BNC2: variants seen among roughly 807,000 people sequenced by gnomAD.
BNC2 encodes zinc finger protein basonuclin-2.
In BNC2, 20 loss-of-function variants were observed where a neutral mutation model predicts 76.3. That is an observed-to-expected ratio of 0.26 (90% CI 0.18 to 0.38). BNC2 has a LOEUF of 0.38. BNC2 is among the 10% of genes least tolerant of loss of function. The probability of loss-of-function intolerance (pLI) is 1.00; values close to 1 mark genes in which losing one functional copy is unlikely to be tolerated. For missense variants in BNC2, 1,382 were observed against 1,399.8 expected, an observed-to-expected ratio of 0.99 and a Z score of 0.20; for synonymous variants, 582 against 514.8, an observed-to-expected ratio of 1.13 and a Z score of -1.77.
chr9:16,849,806 A>C, intron 1 of BNC2, among the ~76,000 whole-genome samples: 1 of 152,200 alleles, frequency 6.6e-6, no homozygotes, highest in African/African-American at 2.4e-5. Flanking sequence ...GTATTACCTC[A>C]AACCATAACT....
intron 1 of BNC2, among the ~76,000 whole-genome samples, chr9:16,855,713 ATT>A (rs796972202): frequency 4.4e-5 from 6 of 136,308 alleles, no homozygotes; most frequent in Admixed American, 1.5e-4. Flanking sequence ...GATTTCTTGT[ATT>A]TTTTTTTTTT....
chr9:16,556,092 G>C (rs1406637738), intron 4 of BNC2, among the ~76,000 whole-genome samples: 3 of 152,042 alleles, frequency 2.0e-5, no homozygotes, highest in Admixed American at 2.0e-4. Context: ...TTGAGCCCAA[G>C]AGTTTGAGAT....
chr9:16,494,831 G>T (rs951360413), intron 5 of BNC2, among the ~76,000 whole-genome samples: 2 of 152,114 alleles, frequency 1.3e-5, no homozygotes, highest in Non-Finnish European at 1.5e-5. Context: ...GGCCTGTTGT[G>T]GGGTGGAGGG....
chr9:16,431,043 G>C (rs1178146480), intron 6 of BNC2, among the ~76,000 whole-genome samples: 1 of 152,086 alleles, frequency 6.6e-6, no homozygotes, highest in East Asian at 1.9e-4. Flanking sequence ...ACAACTACTG[G>C]CCACTACTCT....
At chr9:16,508,273 T>C (rs1822675526) in intron 5 of BNC2, among the ~76,000 whole-genome samples, 1 of 152,252 alleles carries the variant, frequency 6.6e-6, no homozygotes, top group Non-Finnish European at 1.5e-5. Flanking sequence ...CATCTTGGAC[T>C]TGATCATCGC....
chr9:16,791,634 C>A (rs1404811693), intron 1 of BNC2, among the ~76,000 whole-genome samples: 1 of 152,140 alleles, frequency 6.6e-6, no homozygotes, highest in Admixed American at 6.5e-5. Flanking sequence ...TCACAGTCAA[C>A]TATAACAGAT....
At chr9:16,668,150 T>A (rs1822356858) in intron 3 of BNC2, among the ~76,000 whole-genome samples, 1 of 152,166 alleles carries the variant, frequency 6.6e-6, no homozygotes, top group Non-Finnish European at 1.5e-5. Flanking sequence ...ACCTTGTTTT[T>A]CTTCTAAAGG....
intron 1 of BNC2, among the ~76,000 whole-genome samples, chr9:16,746,180 C>G (rs1180834602): frequency 6.6e-6 from 1 of 152,096 alleles, no homozygotes; most frequent in Non-Finnish European, 1.5e-5. Flanking sequence ...AGCAGTCACC[C>G]AGGAGGTTGA....
chr9:16,627,657 T>C (rs2133682689), intron 3 of BNC2, among the ~76,000 whole-genome samples: 1 of 152,302 alleles, frequency 6.6e-6, no homozygotes, highest in South Asian at 2.1e-4. Context: ...CCATTTATTG[T>C]TCTCCTCACA....
At chr9:16,703,713 T>C (rs1246943060) in intron 3 of BNC2, among the ~76,000 whole-genome samples, 3 of 152,282 alleles carry the variant, frequency 2.0e-5, no homozygotes, top group East Asian at 3.9e-4. Context: ...AAGATATATA[T>C]AACATGTACT....
At chr9:16,476,783 T>C (rs533670120) in intron 5 of BNC2, among the ~76,000 whole-genome samples, 2 of 152,290 alleles carry the variant, frequency 1.3e-5, no homozygotes, top group East Asian at 3.9e-4. Flanking sequence ...ACATGCCAAA[T>C]TTCTGTCATT....
rs1018356754 is a variant in BNC2 at position 16,796,881 on chromosome 9, G to A, written c.4-58396C>T. On this transcript the variant is annotated intron_variant, in intron 1 of 6. Coordinates refer to ENST00000380672, the MANE Select transcript of BNC2 (RefSeq NM_017637.6). ...ATGCCTTTTGTGGGTCTCTGTACAAGGTCAAATACTGTCAAATTTTCCTTA... is the reference window on the plus strand; with the variant it reads ...ATGCCTTTTGTGGGTCTCTGTACAAAGTCAAATACTGTCAAATTTTCCTTA... Among the ~76,000 whole-genome samples, 3 of 152,100 alleles carry A rather than the reference G, an allele frequency of 2.0e-5. No homozygotes were observed. The East Asian group carries it at 5.8e-4, about 29-fold the overall frequency.
chr9:16,486,818 T>G (rs1168151959), intron 5 of BNC2, among the ~76,000 whole-genome samples: 1 of 152,084 alleles, frequency 6.6e-6, no homozygotes, highest in Non-Finnish European at 1.5e-5. Context: ...ATCAAACTCC[T>G]GGGCTCAAGC....
intron 5 of BNC2, among the ~76,000 whole-genome samples, chr9:16,539,044 G>GGT (rs930055489): frequency 4.6e-5 from 7 of 151,440 alleles, no homozygotes; most frequent in East Asian, 1.9e-4. Context: ...AATATACCAT[G>GGT]GTGTGTGTGT....
intron 5 of BNC2, among the ~76,000 whole-genome samples, chr9:16,548,092 T>C (rs1818544275): frequency 6.6e-6 from 1 of 152,214 alleles, no homozygotes; most frequent in African/African-American, 2.4e-5. Context: ...CTCAGCTAAA[T>C]ATTCAGAGTG....
At chr9:16,666,927 A>T (rs1378077171) in intron 3 of BNC2, among the ~76,000 whole-genome samples, 4 of 152,084 alleles carry the variant, frequency 2.6e-5, no homozygotes, top group Non-Finnish European at 5.9e-5. Flanking sequence ...CAGTTAAAAA[A>T]TTCACAGATA....
At chr9:16,467,349 T>A (rs1821715443) in intron 5 of BNC2, among the ~76,000 whole-genome samples, 1 of 149,196 alleles carries the variant, frequency 6.7e-6, no homozygotes, top group Admixed American at 6.7e-5. Flanking sequence ...CCCAAAGGAC[T>A]ATAAATCATG....
At chr9:16,817,998 T>C (rs1057266215) in intron 1 of BNC2, among the ~76,000 whole-genome samples, 5 of 152,032 alleles carry the variant, frequency 3.3e-5, no homozygotes, top group African/African-American at 1.2e-4. Context: ...CAAGCTAAAA[T>C]GTCATAGAAA....
chr9:16,485,083 T>TACACAC (rs770204305), intron 5 of BNC2, among the ~76,000 whole-genome samples: 1 of 139,674 alleles, frequency 7.2e-6, no homozygotes, highest in African/African-American at 2.9e-5. Context: ...CCAGAGAAAT[T>TACACAC]ACACACACAC....
Sources: gnomAD v4.1 joint callset for allele counts (sites outside exome capture counted in the v4.1 genomes callset) on GRCh38, gnomAD v4.1.1 for gene constraint, MANE v1.5 for transcripts, NCBI Gene and HGNC (gene_info 2026-07-23, HGNC 2026-07-21) for gene names.